The following CABLES2 variants were observed in gnomAD, a reference collection of about 807,000 sequenced individuals.
CABLES2 encodes Cdk5 and Abl enzyme substrate 2.
In CABLES2, 35 loss-of-function variants were observed where a neutral mutation model predicts 44.8. That is an observed-to-expected ratio of 0.78 (90% CI 0.60 to 1.04). The LOEUF is 1.04. CABLES2 is among the 50% of genes least tolerant of loss of function. CABLES2 has a pLI of 0.00. For synonymous variants in CABLES2, 282 were observed against 281.1 expected (o/e 1.00, Z -0.03); for missense variants, 566 against 615.7 (o/e 0.92, Z 0.85).
At chr20:62,405,531 A>C (rs1414641705) in intron 1 of CABLES2, 1 of 152,304 alleles carries the variant, frequency 6.6e-6, no homozygotes, top group African/African-American at 2.4e-5. Flanking sequence ...AACACTTCCA[A>C]GGATGGAGTG....
chr20:62,397,445 C>T (rs189890454), intron 1 of CABLES2, among the ~76,000 whole-genome samples: 3 of 152,314 alleles, frequency 2.0e-5, no homozygotes, highest in East Asian at 1.9e-4. Context: ...ATAAGCGAAA[C>T]GTGCAGGCAA....
In CABLES2 at chr20:62,391,946, C is replaced by T. The variant is rs1356766036; in HGVS notation, c.1091+443G>A. Among the ~76,000 whole-genome samples the T allele has an allele frequency of 6.6e-6, 1 of 152,016 alleles. No homozygotes were observed. Among genetic ancestry groups the T allele is most frequent in the Non-Finnish European group, 1.5e-5 (1 of 67,988 alleles). On this transcript the variant is annotated intron_variant, in intron 8 of 9. Transcript: ENST00000279101. This position sits in a 1 kb window ranked among gnomAD's most constrained non-coding sequence, Gnocchi z 5.7. ...TGCTCGCTTTCCTCCGGTCATGGGT[C>T]ATCAGCGTGGCACAATGTGAGAGCA...
rs974483090 is a variant in CABLES2, at chr20:62,388,797, C to T, written c.*2174G>A. On this transcript the variant is annotated 3_prime_UTR_variant, in exon 10 of 10. Coordinates refer to ENST00000279101, the MANE Select transcript of CABLES2 (RefSeq NM_031215.3). ...CGCCAGGCCTGGTTCTGTATAGTCA[C>T]AGCCGAGCTGAACACCTTAGCTCCG... is the stretch of plus-strand genomic sequence containing the variant. 9.9e-6 allele frequency: 4 copies of T among 403,576 alleles called. No individual in the cohort carries two copies. Among genetic ancestry groups the T allele is most frequent in the Non-Finnish European group, 1.8e-5 (4 of 221,196 alleles). The allele number at this position is 403,576 out of a possible 1,614,324, so 25.0% of individuals were successfully genotyped here. A position where few individuals can be genotyped will look rare whatever the true frequency, so the allele number is the denominator to read the frequency against.
chr20:62,401,660 G>C (rs1221326479), intron 1 of CABLES2, among the ~76,000 whole-genome samples: 1 of 152,222 alleles, frequency 6.6e-6, no homozygotes, highest in African/African-American at 2.4e-5. Flanking sequence ...GGGACGGCAT[G>C]CACAGCATGC....
At chr20:62,392,330 A>C (rs1339871228) in intron 8 of CABLES2, 59 bp downstream of exon 8, 11 of 1,206,122 alleles carry the variant, frequency 9.1e-6, no homozygotes, top group Non-Finnish European at 1.4e-5. Context: ...CAGAAACTGG[A>C]GAGGAGAGGC....
At position 62,394,976 on chromosome 20, in the gene CABLES2, G is replaced by A; in HGVS notation, c.566C>T (p.Ala189Val). The change falls in exon 4 of 10, where the codon GCC (alanine) becomes GTC (valine). Residue 189 changes from alanine (A) to valine (V), a missense_variant. Around this residue, in one of 2 missense-constraint regions of CABLES2, gnomAD observed 436 missense variants for 536.3 expected, o/e 0.81. Transcript: ENST00000279101. Reference sequence around the variant, plus strand: ...TTCCCCATAGGGCAGGACCGAGAAGGCCGCGCACAGGGACCGCTTGGCACA... The same window carrying A: ...TTCCCCATAGGGCAGGACCGAGAAGACCGCGCACAGGGACCGCTTGGCACA... ...LICAKRSLCA[A>V]FSVLPYGEGL... is the part of the protein sequence containing the mutation. 6.2e-7 allele frequency: 1 copy of A among 1,612,996 alleles called. No homozygotes were observed. The highest frequency in any genetic ancestry group is 8.5e-7 in the Non-Finnish European group (1 of 1,179,964).
chr20:62,397,923 ATGG>A (rs942819884), intron 1 of CABLES2, among the ~76,000 whole-genome samples: 1 of 85,808 alleles, frequency 1.2e-5, no homozygotes, highest in African/African-American at 5.4e-5. Context: ...GGCAGTGGTG[ATGG>A]TGGTGGTGGT....
intron 4 of CABLES2, among the ~76,000 whole-genome samples, chr20:62,394,732 G>C (rs770624641): frequency 6.6e-6 from 1 of 152,212 alleles, no homozygotes; most frequent in Non-Finnish European, 1.5e-5. Context: ...AACAGAAACC[G>C]GCTCCTCTGG....
chr20:62,394,851 G>A (rs1987987381), intron 4 of CABLES2, 86 bp downstream of exon 4: 9 of 1,267,768 alleles, frequency 7.1e-6, no homozygotes, highest in South Asian at 4.1e-5. Flanking sequence ...CGCAGTGCCC[G>A]CTGATGCCTC....
chr20:62,395,913 C>T (rs891437713), intron 3 of CABLES2, among the ~76,000 whole-genome samples: 8 of 152,226 alleles, frequency 5.3e-5, no homozygotes, highest in East Asian at 1.9e-4. Context: ...TGCGGCCCTC[C>T]GCCAGCTTTG....
rs1339332334 is a variant in CABLES2 at position 62,398,112 on chromosome 20, G to GTGA, written c.363-1521_363-1520insTCA. On this transcript the variant is annotated intron_variant, in intron 1 of 9. Coordinates refer to ENST00000279101, the MANE Select transcript of CABLES2 (RefSeq NM_031215.3). ...GACGGTGGTGGTGGTGGTGATGGTGGTGGTGGTGGTGGTTATGACGGTGGT... is the reference window on the plus strand; with the variant it reads ...GACGGTGGTGGTGGTGGTGATGGTGGTGATGGTGGTGGTGGTTATGACGGTGGT... 4.7e-3 allele frequency among the ~76,000 whole-genome samples: 605 copies of GTGA among 130,082 alleles called. 3 individuals carry two copies. Among genetic ancestry groups the GTGA allele is most frequent in the Non-Finnish European group, 7.8e-3 (475 of 60,736 alleles). The allele number at this position is 130,082 out of a possible 152,430, so 85.3% of individuals were successfully genotyped here.
At chr20:62,397,056 G>T (rs951144527) in intron 1 of CABLES2, among the ~76,000 whole-genome samples, 23 of 152,132 alleles carry the variant, frequency 1.5e-4, no homozygotes, top group African/African-American at 5.6e-4. Flanking sequence ...TGGGCACCGG[G>T]CACCCCTTGC....
intron 8 of CABLES2, among the ~76,000 whole-genome samples, chr20:62,392,135 C>T (rs928469693): frequency 4.0e-5 from 6 of 151,610 alleles, no homozygotes; most frequent in Admixed American, 2.0e-4. Context: ...AGATCCTGGG[C>T]TGCTGCGAGG....
At chr20:62,403,770 T>C (rs1988231441) in intron 1 of CABLES2, 1 of 152,242 alleles carries the variant, frequency 6.6e-6, no homozygotes, top group Non-Finnish European at 1.5e-5. Flanking sequence ...GGAAGTTCTA[T>C]GAGGAAAACA....
chr20:62,392,299 G>A, intron 8 of CABLES2, 90 bp downstream of exon 8: 2 of 981,120 alleles, frequency 2.0e-6, no homozygotes, highest in Admixed American at 3.5e-5. Flanking sequence ...GGCTAGACTT[G>A]TCAAGCTGGA....
rs1172989477 is a variant in CABLES2, at chr20:62,396,346, T to G, written c.496A>C (p.Asn166His). The G allele has an allele frequency of 1.2e-6, 2 of 1,613,794 alleles. No individual in the cohort carries two copies. The highest frequency in any genetic ancestry group is 2.7e-5 in the African/African-American group (2 of 74,838). The stretch of plus-strand genomic sequence containing the variant: ...TTCCTGGTGTCGTACTGCCTCATGT[T>G]CTTGATGAAGTGGGTCTTCTTCAGG... The part of the protein sequence containing the change: ...KGLKKTHFIK[N>H]MRQYDTRNSR... The change falls in exon 3 of 10, where the codon AAC (asparagine) becomes CAC (histidine). Residue 166 changes from asparagine (N) to histidine (H), a missense_variant. Around this residue, in one of 2 missense-constraint regions of CABLES2, gnomAD observed 436 missense variants for 536.3 expected, o/e 0.81. Coordinates refer to ENST00000279101, the MANE Select transcript of CABLES2 (RefSeq NM_031215.3). This position sits in a 1 kb window ranked among gnomAD's most constrained non-coding sequence, Gnocchi z 5.7.
At position 62,392,875 on chromosome 20, in the gene CABLES2, A is replaced by G. The variant is rs779017386; in HGVS notation, c.984+45T>C. On this transcript the variant is annotated intron_variant, in intron 7 of 9. Transcript: ENST00000279101. ...TGCCCCACACGCCCCGAGCCAGGAC[A>G]GGTGTGCAGCTGCCTGCACCCAGGC... 5.2e-6 allele frequency: 8 copies of G among 1,532,134 alleles called. No homozygotes were observed. In the South Asian group the frequency reaches 6.7e-5, roughly 13 times the overall value. The allele number at this position is 1,532,134 out of a possible 1,614,324, so 94.9% of individuals were successfully genotyped here.
In CABLES2 at chr20:62,393,479, G is replaced by A; in HGVS notation, c.841C>T (p.Pro281Ser). Residue 281 changes from proline (P) to serine (S), a missense_variant, in exon 6 of 10, where the codon CCT becomes TCT. By Grantham distance (74) the Pro-to-Ser change is moderately conservative. Transcript: ENST00000279101. ...GCTGGTGCCGACTTGGTGGGGGCAG[G>A]TTTATGTCTTGACCCTGGCAGAGTC... Reference protein sequence around the residue: ...PRTLPGSRHKPAPTKSAPAST... With the variant: ...PRTLPGSRHKSAPTKSAPAST... The A allele has an allele frequency of 6.2e-7, 1 of 1,612,870 alleles. No individual in the cohort carries two copies.
At position 62,396,187 on chromosome 20, in the gene CABLES2, A is replaced by C; in HGVS notation, c.527+128T>G. ...GTGGTGGGGAGGAGGGCCCACCTCT[A>C]GAGGTGTGGAGTGTGGGGTGGGCGG... On this transcript the variant is annotated intron_variant, in intron 3 of 9. Transcript: ENST00000279101. This position sits in a 1 kb window ranked among gnomAD's most constrained non-coding sequence, Gnocchi z 5.7. 2.6e-6 allele frequency: 2 copies of C among 768,810 alleles called. No homozygotes were observed. The highest frequency in any genetic ancestry group is 2.3e-6 in the Non-Finnish European group (1 of 443,938). 47.6% of individuals were successfully genotyped at this position (768,810 alleles called of 1,614,324 possible).
Sources: allele counts gnomAD v4.1 joint callset (sites outside exome capture counted in the v4.1 genomes callset), GRCh38; gene constraint gnomAD v4.1.1; regional missense constraint gnomAD v4.1.1; non-coding constraint Gnocchi (gnomAD v3.1); transcripts MANE v1.5; gene names NCBI Gene and HGNC (gene_info 2026-07-23, HGNC 2026-07-21).